SGSM3: variants seen among roughly 807,000 people sequenced by gnomAD.
SGSM3 encodes small G protein signaling modulator 3.
In SGSM3, 96 loss-of-function variants were observed where a neutral mutation model predicts 100.5. The observed-to-expected ratio is 0.96, with a 90% CI of 0.81 to 1.13. The LOEUF is 1.13. Ranked by LOEUF, SGSM3 falls within the 50% of genes most tolerant of loss-of-function variation. SGSM3 has a pLI of 0.00. For synonymous variants in SGSM3, 483 were observed against 422.8 expected, an observed-to-expected ratio of 1.14 and a Z score of -1.75; for missense variants, 1,001 against 1,015.8, an observed-to-expected ratio of 0.99 and a Z score of 0.20.
intron 1 of SGSM3, among the ~76,000 whole-genome samples, chr22:40,393,526 T>G (rs2049640884): frequency 6.6e-6 from 1 of 152,222 alleles, no homozygotes. Context: ...CCTTGACCAT[T>G]AAAATTAAAA....
At chr22:40,385,244 C>T (rs2048229911) in intron 1 of SGSM3, among the ~76,000 whole-genome samples, 1 of 152,116 alleles carries the variant, frequency 6.6e-6, no homozygotes, top group South Asian at 2.1e-4. Context: ...GGGTGAAAAG[C>T]TTAAGGAGTG....
At chr22:40,408,525 T>A in intron 16 of SGSM3, 96 bp downstream of exon 16, 1 of 1,585,810 alleles carries the variant, frequency 6.3e-7, no homozygotes, top group Non-Finnish European at 8.6e-7. Context: ...ACAGAGAGGA[T>A]GGGAAGAGCT....
chr22:40,388,879 G>C (rs988550473), intron 1 of SGSM3, among the ~76,000 whole-genome samples: 11 of 152,160 alleles, frequency 7.2e-5, no homozygotes, highest in Non-Finnish European at 1.6e-4. Context: ...GGTCGTAATG[G>C]CAACGGGACC....
Position 40,404,628 on chromosome 22 carries a change from G to A in SGSM3, c.438G>A (p.Lys146=), listed in dbSNP as rs139091222. The A allele has an allele frequency of 6.8e-6, 11 of 1,613,340 alleles. No individual in the cohort carries two copies. The highest frequency in any genetic ancestry group is 9.3e-6 in the Non-Finnish European group (11 of 1,179,740). ...NSELSYREIV[K]NSSNDETIAA... is the part of the protein sequence containing the mutation. ...AGCTGTCCTACCGCGAGATTGTGAA[G>A]AACAGCTCCAACGATGAGACCATCG... The change falls in exon 6 of 22, where the codon AAG becomes AAA. Residue 146 remains lysine, a synonymous_variant. Transcript: ENST00000248929.
intron 20 of SGSM3, 22 bp downstream of exon 20, chr22:40,409,394 G>C (rs2052228905): frequency 1.3e-6 from 2 of 1,582,358 alleles, no homozygotes; most frequent in Non-Finnish European, 1.7e-6. Context: ...ACTGGGCTTG[G>C]GGGATGGAGG....
intron 1 of SGSM3, among the ~76,000 whole-genome samples, chr22:40,371,166 CG>C (rs1181769084): frequency 6.6e-6 from 1 of 152,206 alleles, no homozygotes; most frequent in Non-Finnish European, 1.5e-5. Context: ...GCCCGAGACT[CG>C]GAACACCGGT....
intron 1 of SGSM3, among the ~76,000 whole-genome samples, chr22:40,386,934 CAAA>C (rs891967960): frequency 1.4e-4 from 21 of 152,090 alleles, no homozygotes; most frequent in African/African-American, 5.1e-4. Flanking sequence ...TTTTCACACA[CAAA>C]AAATTTTTTT....
Position 40,408,706 on chromosome 22 carries a change from G to GC in SGSM3, c.1853+12dup. 1 of 1,613,980 alleles carries GC rather than the reference G, an allele frequency of 6.2e-7. No homozygotes were observed. Among genetic ancestry groups the GC allele is most frequent in the Non-Finnish European group, 8.5e-7 (1 of 1,180,020 alleles). On this transcript the variant is annotated intron_variant, in intron 17 of 21. Coordinates refer to ENST00000248929, the MANE Select transcript of SGSM3 (RefSeq NM_015705.6). ...CTCTGTAAGACCTTCAGGTAACTCG[G>GC]CCCGGGTTCTTCTGGTGGGGTCACC... is the stretch of plus-strand genomic sequence containing the variant.
chr22:40,371,818 T>TAC (rs1308337593), intron 1 of SGSM3, among the ~76,000 whole-genome samples: 1 of 152,028 alleles, frequency 6.6e-6, no homozygotes, highest in African/African-American at 2.4e-5. Context: ...TGCCTCAGCC[T>TAC]ACCGAGTAGC....
At chr22:40,405,382 C>T in intron 7 of SGSM3, 98 bp downstream of exon 7, 1 of 1,212,040 alleles carries the variant, frequency 8.3e-7, no homozygotes, top group Non-Finnish European at 1.1e-6. Flanking sequence ...GCCCCAGGGC[C>T]TCCTCCAGGA....
chr22:40,394,204 C>G (rs528437707), intron 1 of SGSM3, among the ~76,000 whole-genome samples: 1 of 152,320 alleles, frequency 6.6e-6, no homozygotes, highest in South Asian at 2.1e-4. Context: ...TTGTAAGGTG[C>G]AAACTTGACA....
At chr22:40,373,643 G>A (rs1209602568) in intron 1 of SGSM3, 1 of 152,316 alleles carries the variant, frequency 6.6e-6, no homozygotes, top group East Asian at 1.9e-4. Flanking sequence ...TTGAGACATA[G>A]TCTCACTCTG....
At chr22:40,405,420 C>T (rs577520934) in intron 7 of SGSM3, 136 bp downstream of exon 7, 91 of 949,344 alleles carry the variant, frequency 9.6e-5, no homozygotes, top group South Asian at 4.6e-4. Context: ...CCTCCCACTC[C>T]GGGGCGTCCC....
intron 8 of SGSM3, 36 bp from the exon 9 acceptor site, chr22:40,406,042 C>T: frequency 1.2e-6 from 2 of 1,602,780 alleles, no homozygotes; most frequent in East Asian, 2.2e-5. Context: ...GTTTCCACCA[C>T]CTCCTCCCCA....
At position 40,405,642 on chromosome 22, in the gene SGSM3, T is replaced by G. The variant is rs1441413987; in HGVS notation, c.619-7T>G. ...GTAGAAGGCCCTTGTCCCTGTGCCC[T>G]GGCCAGGTGGCCGCCTGCCTCCTGC... On this transcript the variant is annotated splice_region_variant and splice_polypyrimidine_tract_variant and intron_variant, in intron 7 of 21. Transcript: ENST00000248929. 2.5e-6 allele frequency: 4 copies of G among 1,611,158 alleles called. No homozygotes were observed. The highest frequency in any genetic ancestry group is 3.4e-6 in the Non-Finnish European group (4 of 1,178,428).
At chr22:40,405,368 A>ACTGCCCC in intron 7 of SGSM3, 84 bp downstream of exon 7, 3 of 1,293,620 alleles carry the variant, frequency 2.3e-6, no homozygotes, top group South Asian at 1.7e-5. Flanking sequence ...GCTACGGGGC[A>ACTGCCCC]GTAGCCCCAG....
chr22:40,406,776 C>A, intron 10 of SGSM3, 114 bp downstream of exon 10: 2 of 996,004 alleles, frequency 2.0e-6, no homozygotes, highest in South Asian at 1.5e-5. Flanking sequence ...CTGCTCTGCC[C>A]CCCAGCCTGG....
intron 1 of SGSM3, chr22:40,373,433 G>C (rs1352616271): frequency 6.6e-6 from 1 of 152,056 alleles, no homozygotes; most frequent in African/African-American, 2.4e-5. Context: ...CAACTCTGTT[G>C]AAACTACTCT....
At chr22:40,406,938 G>A (rs2051634780) in intron 10 of SGSM3, 79 bp from the exon 11 acceptor site, 1 of 1,360,462 alleles carries the variant, frequency 7.4e-7, no homozygotes, top group Admixed American at 2.0e-5. Context: ...TATTTCAGAT[G>A]AGACAGTATA....
Sources: gnomAD v4.1 joint callset for allele counts (sites outside exome capture counted in the v4.1 genomes callset) on GRCh38, gnomAD v4.1.1 for gene constraint, MANE v1.5 for transcripts, NCBI Gene and HGNC (gene_info 2026-07-23, HGNC 2026-07-21) for gene names.